The following NRXN3 variants were observed in gnomAD, a reference collection of about 807,000 sequenced individuals.
NRXN3 encodes neurexin III.
A neutral mutation model predicts 137.6 loss-of-function variants in NRXN3; 32 were observed. That is an observed-to-expected ratio of 0.23 (90% CI 0.18 to 0.31). The LOEUF is 0.31. Ranked by LOEUF, NRXN3 falls within the 10% of genes least tolerant of loss-of-function variation. The probability of loss-of-function intolerance (pLI) is 1.00; values close to 1 mark genes in which losing one functional copy is unlikely to be tolerated. For synonymous variants in NRXN3, 798 were observed against 784.5 expected (o/e 1.02, Z -0.29); for missense variants, 1,574 against 2,062.5 (o/e 0.76, Z 4.59).
intron 8 of NRXN3, among the ~76,000 whole-genome samples, chr14:78,768,835 G>A (rs1274177090): frequency 1.3e-5 from 2 of 152,092 alleles, no homozygotes; most frequent in African/African-American, 2.4e-5. Context: ...GCTGTCTCTG[G>A]AACTTCCACA....
chr14:79,750,462 C>G (rs1297936405), intron 19 of NRXN3, among the ~76,000 whole-genome samples: 1 of 152,048 alleles, frequency 6.6e-6, no homozygotes, highest in South Asian at 2.1e-4. Flanking sequence ...CTCTTTTTGC[C>G]CTTGTCCCAT....
intron 15 of NRXN3, among the ~76,000 whole-genome samples, chr14:79,012,004 T>C (rs2099572103): frequency 6.6e-6 from 1 of 152,252 alleles, no homozygotes. Context: ...AAGAATTTTA[T>C]TTGTTGACTG....
chr14:78,798,470 T>G (rs2098828926), intron 8 of NRXN3, among the ~76,000 whole-genome samples: 1 of 152,220 alleles, frequency 6.6e-6, no homozygotes, highest in African/African-American at 2.4e-5. Context: ...ACAATTCCTC[T>G]CCTGGCAGCT....
chr14:79,203,013 C>T (rs2066279486), intron 15 of NRXN3, among the ~76,000 whole-genome samples: 2 of 152,032 alleles, frequency 1.3e-5, no homozygotes, highest in Admixed American at 1.3e-4. Flanking sequence ...CGCATCCATG[C>T]CAACATCTAC....
rs1429092374 is a variant in NRXN3, at chr14:79,159,868, A to G, written c.3262+171727A>G. Among the ~76,000 whole-genome samples the G allele has an allele frequency of 3.3e-5, 5 of 151,930 alleles. No homozygotes were observed. The South Asian group carries it at 6.2e-4, about 19-fold the overall frequency. On this transcript the variant is annotated intron_variant, in intron 15 of 20. Coordinates refer to ENST00000335750, the MANE Select transcript of NRXN3 (RefSeq NM_001330195.2). ...CAAGTTTATTTTGCTACAAAGCCAA[A>G]TAGAAATTTATGCATTTTTTTCTTA...
chr14:79,331,983 G>C (rs2153325394), intron 15 of NRXN3, among the ~76,000 whole-genome samples: 1 of 152,192 alleles, frequency 6.6e-6, no homozygotes, highest in Admixed American at 6.5e-5. Flanking sequence ...GAAATGTGCT[G>C]ATTAGATGGA....
rs1008570879 is a variant in NRXN3 at position 79,731,650 on chromosome 14, T to A, written c.4014+33713T>A. 2.0e-3 allele frequency among the ~76,000 whole-genome samples: 306 copies of A among 151,718 alleles called. 1 individual carries two copies. The highest frequency in any genetic ancestry group is 3.4e-3 in the Non-Finnish European group (229 of 67,922). On this transcript the variant is annotated intron_variant, in intron 19 of 20. Transcript: ENST00000335750. ...CTATTTTTTCCCTTCCTTCTTTTTT[T>A]TTTTTTTGTATTTTTAGTAGAAACA...
chr14:79,423,968 T>A (rs1428893200), intron 15 of NRXN3, among the ~76,000 whole-genome samples: 1 of 152,262 alleles, frequency 6.6e-6, no homozygotes, highest in Non-Finnish European at 1.5e-5. Context: ...GGTAGCCATT[T>A]GTTTTAATGA....
chr14:78,230,678 C>G (rs1324159149), intron 1 of NRXN3, among the ~76,000 whole-genome samples: 2 of 152,106 alleles, frequency 1.3e-5, no homozygotes, highest in South Asian at 2.1e-4. Context: ...TGAGGTTGGG[C>G]TGCACTTATT....
At position 79,867,628 on chromosome 14, in the gene NRXN3, A is replaced by T. The variant is rs2099418556; in HGVS notation, c.*5664A>T. 1 of 152,174 alleles carries T rather than the reference A, an allele frequency of 6.6e-6. No individual in the cohort carries two copies. Among genetic ancestry groups the T allele is most frequent in the South Asian group, 2.1e-4 (1 of 4,832 alleles). 9.4% of individuals were successfully genotyped at this position (152,174 alleles called of 1,614,324 possible). ...ATGTTTGGGGTTGGGACTTCAACAT[A>T]TGAATGTTGGAGGGGATATGGTTCT... is the stretch of plus-strand genomic sequence containing the variant. On this transcript the variant is annotated 3_prime_UTR_variant, in exon 21 of 21. Transcript: ENST00000335750.
intron 14 of NRXN3, among the ~76,000 whole-genome samples, chr14:78,972,295 A>G (rs1295066265): frequency 6.6e-6 from 1 of 152,204 alleles, no homozygotes; most frequent in Non-Finnish European, 1.5e-5. Context: ...TAAAAATGAC[A>G]TTAGTCTGGT....
chr14:79,343,669 G>A (rs1363337886), intron 15 of NRXN3, among the ~76,000 whole-genome samples: 1 of 152,168 alleles, frequency 6.6e-6, no homozygotes, highest in African/African-American at 2.4e-5. Flanking sequence ...TTCAATTTGA[G>A]TTGGAGAGAA....
chr14:79,836,939 C>T (rs1185368016), intron 20 of NRXN3, among the ~76,000 whole-genome samples: 1 of 152,126 alleles, frequency 6.6e-6, no homozygotes, highest in Non-Finnish European at 1.5e-5. Flanking sequence ...ACTGTGACAT[C>T]CTCATCCTTG....
At chr14:79,405,665 G>C (rs1190936166) in intron 15 of NRXN3, among the ~76,000 whole-genome samples, 2 of 152,114 alleles carry the variant, frequency 1.3e-5, no homozygotes, top group African/African-American at 4.8e-5. Context: ...CGACTCCCTA[G>C]AGGGGAAAAT....
intron 16 of NRXN3, among the ~76,000 whole-genome samples, chr14:79,596,982 C>T (rs2097864660): frequency 6.6e-6 from 1 of 152,102 alleles, no homozygotes; most frequent in South Asian, 2.1e-4. Context: ...ACACATACAG[C>T]AGTAAGTCTA....
At chr14:78,493,080 C>T (rs76114702) in intron 4 of NRXN3, among the ~76,000 whole-genome samples, 2,190 of 152,222 alleles carry the variant, frequency 0.014, 50 homozygotes, top group African/African-American at 0.049. Flanking sequence ...AAGGATGCCT[C>T]GAAAGTGACC....
At chr14:78,357,975 C>A (rs144345682) in intron 4 of NRXN3, among the ~76,000 whole-genome samples, 1 of 152,222 alleles carries the variant, frequency 6.6e-6, no homozygotes, top group East Asian at 1.9e-4. Flanking sequence ...TCTCATATAT[C>A]CCATAGAAAG....
intron 1 of NRXN3, among the ~76,000 whole-genome samples, chr14:78,190,380 T>C (rs2153372271): frequency 6.6e-6 from 1 of 151,848 alleles, no homozygotes; most frequent in South Asian, 2.1e-4. Context: ...GAAAAGAAAA[T>C]GAAGATCACC....
At chr14:79,654,706 C>G (rs1448536106) in intron 16 of NRXN3, among the ~76,000 whole-genome samples, 2 of 152,154 alleles carry the variant, frequency 1.3e-5, no homozygotes, top group African/African-American at 4.8e-5. Flanking sequence ...AGTACTAAAT[C>G]TCTCCATTCT....
Sources: gnomAD v4.1 joint callset for allele counts (sites outside exome capture counted in the v4.1 genomes callset) on GRCh38, gnomAD v4.1.1 for gene constraint, MANE v1.5 for transcripts, NCBI Gene and HGNC (gene_info 2026-07-23, HGNC 2026-07-21) for gene names.